SIGLEC10: variants seen among roughly 807,000 people sequenced by gnomAD.
SIGLEC10 encodes sialic acid binding Ig like lectin 10.
In SIGLEC10, 45 loss-of-function variants were observed where a neutral mutation model predicts 68.3. The ratio of observed to expected loss-of-function variants is 0.66; its 90% CI spans 0.52 to 0.84. The LOEUF is 0.84. Among genes scored for constraint, SIGLEC10 ranks in the 40% least tolerant of loss-of-function variants. The pLI is 0.00. For missense variants in SIGLEC10, 789 were observed against 883.1 expected (o/e 0.89, Z 1.35); for synonymous variants, 379 against 370.8 (o/e 1.02, Z -0.26).
At position 51,410,837 on chromosome 19, in the gene SIGLEC10, C is replaced by T. The variant is rs1403183556; in HGVS notation, c.*262G>A. 5 of 343,254 alleles carry T rather than the reference C, an allele frequency of 1.5e-5. No individual in the cohort carries two copies. Among genetic ancestry groups the T allele is most frequent in the East Asian group, 5.1e-5 (1 of 19,760 alleles). The allele number at this position is 343,254 out of a possible 1,614,324, so 21.3% of individuals were successfully genotyped here. On this transcript the variant is annotated 3_prime_UTR_variant, in exon 11 of 11. Coordinates refer to ENST00000339313, the MANE Select transcript of SIGLEC10 (RefSeq NM_033130.5). ...CTAATTTTTGTATTTTTAGTAGAGA[C>T]GGGGTTTCACCAAGTTGGCCAGGCT...
In SIGLEC10 at chr19:51,416,787, G is replaced by T; in HGVS notation, c.585C>A (p.Ser195=). The change falls in exon 3 of 11, where the codon TCC becomes TCA. Residue 195 remains serine (S), a synonymous_variant. Coordinates refer to ENST00000339313, the MANE Select transcript of SIGLEC10 (RefSeq NM_033130.5). ...GCGTGAAGCTGAGCACTGAGAAGTG[G>T]GAGGTCGTTGGTTTGGTTCCTTGGG... ...LSSQGTKPTT[S]HFSVLSFTPR... The T allele has an allele frequency of 2.5e-6, 4 of 1,614,232 alleles. No homozygotes were observed. The highest frequency in any genetic ancestry group is 3.4e-6 in the Non-Finnish European group (4 of 1,180,034).
chr19:51,415,356 G>A lies in SIGLEC10; in HGVS notation c.1155C>T (p.Ser385=), dbSNP rs1359434177. ...GGGTCCAGCTCAGCCTGGCTGGGGGGCTGCTGTGTGTGACACAGACCAGGC... is the reference window on the plus strand; with the variant it reads ...GGGTCCAGCTCAGCCTGGCTGGGGGACTGCTGTGTGTGACACAGACCAGGC... ...SLCLVCVTHS[S]PPARLSWTQR... Residue 385 remains serine (S), a synonymous_variant, in exon 7 of 11, where the codon AGC becomes AGT. Coordinates refer to ENST00000339313, the MANE Select transcript of SIGLEC10 (RefSeq NM_033130.5). The A allele has an allele frequency of 3.7e-6, 6 of 1,612,988 alleles. No individual in the cohort carries two copies. The highest frequency in any genetic ancestry group is 1.3e-5 in the African/African-American group (1 of 74,916).
chr19:51,413,681 G>A, intron 10 of SIGLEC10, 31 bp downstream of exon 10: 1 of 1,593,392 alleles, frequency 6.3e-7, no homozygotes, highest in Non-Finnish European at 8.6e-7. Flanking sequence ...TTAGAGAAGA[G>A]AAAAAGTGGA....
Position 51,416,820 on chromosome 19 carries a change from G to A in SIGLEC10, c.552C>T (p.Ala184=). ...PPPSFSWTGA[A]LSSQGTKPTT... ...TTGGTTTGGTTCCTTGGGAGGAGAG[G>A]GCAGCCCCCGTCCAGGAGAAAGAAG... Residue 184 remains alanine (A), a synonymous_variant, in exon 3 of 11, where the codon GCC becomes GCT. Coordinates refer to ENST00000339313, the MANE Select transcript of SIGLEC10 (RefSeq NM_033130.5). 1 of 1,614,210 alleles carries A rather than the reference G, an allele frequency of 6.2e-7. No individual in the cohort carries two copies. Among genetic ancestry groups the A allele is most frequent in the Middle Eastern group, 1.6e-4 (1 of 6,062 alleles).
Position 51,414,891 on chromosome 19 carries a change from G to A in SIGLEC10, c.1548C>T (p.Gly516=). 1 of 1,614,112 alleles carries A rather than the reference G, an allele frequency of 6.2e-7. No homozygotes were observed. Among genetic ancestry groups the A allele is most frequent in the Non-Finnish European group, 8.5e-7 (1 of 1,180,006 alleles). The change falls in exon 8 of 11, where the codon GGC becomes GGT. Residue 516 remains glycine (G), a synonymous_variant. Transcript: ENST00000339313. This position sits in a 1 kb window ranked among gnomAD's most constrained non-coding sequence, Gnocchi z 4.1. ...SLSLHGGLSS[G]LRLRCEAWNV... Reference sequence around the variant, plus strand: ...TCCAGGCCTCACAGCGGAGCCTGAGGCCGGAGCTGAGCCCTCCATGGAGGC... The same window carrying A: ...TCCAGGCCTCACAGCGGAGCCTGAGACCGGAGCTGAGCCCTCCATGGAGGC...
Position 51,416,781 on chromosome 19 carries a change from G to A in SIGLEC10, c.591C>T (p.Phe197=), listed in dbSNP as rs1468702032. 1 of 1,614,240 alleles carries A rather than the reference G, an allele frequency of 6.2e-7. No individual in the cohort carries two copies. Among genetic ancestry groups the A allele is most frequent in the Admixed American group, 1.7e-5 (1 of 60,030 alleles). ...GTCTGGGCGTGAAGCTGAGCACTGA[G>A]AAGTGGGAGGTCGTTGGTTTGGTTC... is the stretch of plus-strand genomic sequence containing the variant. ...SQGTKPTTSH[F]SVLSFTPRPQ... is the part of the protein sequence containing the mutation. Residue 197 remains phenylalanine, a synonymous_variant, in exon 3 of 11, where the codon TTC becomes TTT. Transcript: ENST00000339313.
chr19:51,415,989 G>C lies in SIGLEC10; in HGVS notation c.933C>G (p.Pro311=). The change falls in exon 5 of 11, where the codon CCC becomes CCG. Residue 311 remains proline, a synonymous_variant. Coordinates refer to ENST00000339313, the MANE Select transcript of SIGLEC10 (RefSeq NM_033130.5). ...WGPRPLGLEL[P]GVKAGDSGRY... is the part of the protein sequence containing the mutation. ...GCCCTGAATCCCCAGCCTTCACCCC[G>C]GGCAGCTCCAGCCCCAGGGGTCTAG... 1 of 1,611,840 alleles carries C rather than the reference G, an allele frequency of 6.2e-7. No homozygotes were observed. Among genetic ancestry groups the C allele is most frequent in the African/African-American group, 1.3e-5 (1 of 74,910 alleles).
In SIGLEC10 at chr19:51,417,448, C is replaced by T. The variant is rs774511131; in HGVS notation, c.55G>A (p.Gly19Arg). The change falls in exon 2 of 11, where the codon GGG (glycine) becomes AGG (arginine). Residue 19 changes from glycine (G) to arginine (R), a missense_variant. By Grantham distance (125) the Gly-to-Arg change is moderately radical. Coordinates refer to ENST00000339313, the MANE Select transcript of SIGLEC10 (RefSeq NM_033130.5). Reference protein sequence around the residue: ...SLLGGSQAMDGRFWIRVQESV... With the variant: ...SLLGGSQAMDRRFWIRVQESV... The stretch of plus-strand genomic sequence containing the variant: ...TCCTGCACTCGTATCCAGAATCTCC[C>T]ATCCATAGCCTGGGACCCTGTGGGG... 3.7e-6 allele frequency: 6 copies of T among 1,613,746 alleles called. No homozygotes were observed. The South Asian group carries it at 5.5e-5, about 15-fold the overall frequency.
Position 51,414,851 on chromosome 19 carries a change from G to A in SIGLEC10, c.1588C>T (p.Gln530Ter), listed in dbSNP as rs201048913. The change falls in exon 8 of 11, where the codon CAG becomes TAG. Residue 530 changes from glutamine (Q) to a stop codon, truncating the protein, a stop_gained. Transcript: ENST00000339313. LOFTEE classifies it high-confidence loss of function. The surrounding 1 kb of genome is among the most constrained non-coding windows in gnomAD (Gnocchi z 4.1). ...GGCAGCTGCAGGATGGATCCACTCT[G>A]GGCCCCATGGACGTTCCAGGCCTCA... ...RCEAWNVHGA[Q>*]SGSILQLPDK... 2.1e-5 allele frequency: 34 copies of A among 1,613,950 alleles called. No homozygotes were observed. The highest frequency in any genetic ancestry group is 2.7e-5 in the Non-Finnish European group (32 of 1,180,010).
chr19:51,417,465 C>G lies in SIGLEC10; in HGVS notation c.38G>C (p.Gly13Ala). 6.2e-7 allele frequency: 1 copy of G among 1,613,784 alleles called. No homozygotes were observed. Among genetic ancestry groups the G allele is most frequent in the Non-Finnish European group, 8.5e-7 (1 of 1,179,762 alleles). Reference sequence around the variant, plus strand: ...GAATCTCCCATCCATAGCCTGGGACCCTGTGGGGAGACAGAGGCTCAACCT... The same window carrying G: ...GAATCTCCCATCCATAGCCTGGGACGCTGTGGGGAGACAGAGGCTCAACCT... ...LPLLLSSLLG[G>A]SQAMDGRFWI... Residue 13 changes from glycine (G) to alanine (A), a missense_variant and splice_region_variant, in exon 2 of 11, where the codon GGG becomes GCG. By Grantham distance (60) the Gly-to-Ala change is moderately conservative (BLOSUM62 0). Coordinates refer to ENST00000339313, the MANE Select transcript of SIGLEC10 (RefSeq NM_033130.5).
rs1381119787 is a variant in SIGLEC10 at position 51,415,125 on chromosome 19, C to G, written c.1331-17G>C. ...TCGGGGAGTCTGAGGGGAGGGAGGA[C>G]AGGACTCAGCAGGGTCCCCTTCCTG... is the stretch of plus-strand genomic sequence containing the variant. On this transcript the variant is annotated splice_polypyrimidine_tract_variant and intron_variant, in intron 7 of 10. Transcript: ENST00000339313. 4 of 1,571,224 alleles carry G rather than the reference C, an allele frequency of 2.5e-6. 1 individual carries two copies. In the South Asian group the frequency reaches 3.6e-5, roughly 14 times the overall value.
At position 51,411,310 on chromosome 19, in the gene SIGLEC10, G is replaced by A; in HGVS notation, c.1883C>T (p.Ala628Val). The A allele has an allele frequency of 1.2e-6, 2 of 1,614,172 alleles. No individual in the cohort carries two copies. The highest frequency in any genetic ancestry group is 1.7e-6 in the Non-Finnish European group (2 of 1,180,030). Residue 628 changes from alanine to valine, a missense_variant, in exon 11 of 11, where the codon GCT becomes GTT. By Grantham distance (64) the Ala-to-Val change is moderately conservative. Transcript: ENST00000339313. ...GTTCTTCTTTGATTCTGGGGAGGGA[G>A]CACCTGGTGGAAGAGGGGTCCGAGG... The part of the protein sequence containing the change: ...NSPRTPLPPG[A>V]PSPESKKNQK...
chr19:51,415,539 G>T (rs771275137), intron 6 of SIGLEC10, 29 bp downstream of exon 6: 166 of 1,613,964 alleles, frequency 1.0e-4, no homozygotes, highest in Non-Finnish European at 1.1e-4. Flanking sequence ...GGCACTGAGA[G>T]GCCTTGGCTC....
At chr19:51,413,301 A>G (rs562163579) in intron 10 of SIGLEC10, among the ~76,000 whole-genome samples, 1 of 152,260 alleles carries the variant, frequency 6.6e-6, no homozygotes, top group South Asian at 2.1e-4. Flanking sequence ...CACTTGTTTC[A>G]TGACACAGTG....
chr19:51,414,355 G>A lies in SIGLEC10; in HGVS notation c.1709+67C>T, dbSNP rs370983550. On this transcript the variant is annotated intron_variant, in intron 9 of 10. Coordinates refer to ENST00000339313, the MANE Select transcript of SIGLEC10 (RefSeq NM_033130.5). The surrounding 1 kb of genome is among the most constrained non-coding windows in gnomAD (Gnocchi z 4.1). Reference sequence around the variant, plus strand: ...CGTTGATCACGACCTTCACTCTTTCGGCCTGCAACACCTCCCCTCTTCCTG... The same window carrying A: ...CGTTGATCACGACCTTCACTCTTTCAGCCTGCAACACCTCCCCTCTTCCTG... 1.1e-4 allele frequency: 149 copies of A among 1,360,942 alleles called. No individual in the cohort carries two copies. The East Asian group carries it at 2.9e-3, about 26-fold the overall frequency. The allele number at this position is 1,360,942 out of a possible 1,614,324, so 84.3% of individuals were successfully genotyped here. A position where few individuals can be genotyped will look rare whatever the true frequency, so the allele number is the denominator to read the frequency against.
Position 51,417,361 on chromosome 19 carries a change from G to T in SIGLEC10, c.142C>A (p.Gln48Lys), listed in dbSNP as rs773533895. Residue 48 changes from glutamine (Q) to lysine (K), a missense_variant, in exon 2 of 11, where the codon CAG becomes AAG. Transcript: ENST00000339313. Reference sequence around the variant, plus strand: ...GCTGGGGTAGACCCTGTCCAGTCCTGTCGGGGGTAGGAGAAAGAGCAGGGC... The same window carrying T: ...GCTGGGGTAGACCCTGTCCAGTCCTTTCGGGGGTAGGAGAAAGAGCAGGGC... The part of the protein sequence containing the change: ...SVPCSFSYPR[Q>K]DWTGSTPAYG... The T allele has an allele frequency of 6.2e-6, 10 of 1,614,096 alleles. No homozygotes were observed. The South Asian group carries it at 1.1e-4, about 18-fold the overall frequency.
Position 51,416,154 on chromosome 19 carries a change from C to G in SIGLEC10, c.768G>C (p.Gln256His), listed in dbSNP as rs754052122. 6.2e-7 allele frequency: 1 copy of G among 1,606,492 alleles called. No homozygotes were observed. Among genetic ancestry groups the G allele is most frequent in the East Asian group, 2.2e-5 (1 of 44,658 alleles). ...CCAGGTATGGGACATTTCCCTGGGG[C>G]TGGGGCTCCAGGGCTGGAGTGGGAG... ...SRDNTPALEP[Q>H]PQGNVPYLEA... The change falls in exon 5 of 11, where the codon CAG becomes CAC. Residue 256 changes from glutamine to histidine, a missense_variant. Coordinates refer to ENST00000339313, the MANE Select transcript of SIGLEC10 (RefSeq NM_033130.5).
intron 10 of SIGLEC10, among the ~76,000 whole-genome samples, chr19:51,411,715 AC>A (rs1464218739): frequency 2.6e-5 from 4 of 152,176 alleles, no homozygotes; most frequent in African/African-American, 7.2e-5. Context: ...GCGTGGTGAC[AC>A]ATGCCTGTGG....
rs1466339554 is a variant in SIGLEC10 at position 51,414,797 on chromosome 19, A to G, written c.1615+27T>C. On this transcript the variant is annotated intron_variant, in intron 8 of 10. Transcript: ENST00000339313. This position sits in a 1 kb window ranked among gnomAD's most constrained non-coding sequence, Gnocchi z 4.1. ...GCCCCAGTCAGCTTCTCCTCCAAGA[A>G]CCTTGGCATCCAGGCGGCCCCCTAA... 6 of 1,609,854 alleles carry G rather than the reference A, an allele frequency of 3.7e-6. No individual in the cohort carries two copies. The highest frequency in any genetic ancestry group is 5.1e-6 in the Non-Finnish European group (6 of 1,179,016).
Sources: gnomAD v4.1 joint callset for allele counts (sites outside exome capture counted in the v4.1 genomes callset) on GRCh38, gnomAD v4.1.1 for gene constraint, Gnocchi (gnomAD v3.1) non-coding constraint, MANE v1.5 for transcripts, NCBI Gene and HGNC (gene_info 2026-07-23, HGNC 2026-07-21) for gene names.